ENPP3: variants seen among roughly 807,000 people sequenced by gnomAD.
The protein encoded by ENPP3 is ectonucleotide pyrophosphatase/phosphodiesterase 3, also known as ectonucleotide pyrophosphatase/phosphodiesterase family member 3.
Under a neutral mutation model 117.8 loss-of-function variants are expected in ENPP3, and 104 were observed. That is an observed-to-expected ratio of 0.88 (90% confidence interval 0.75 to 1.04). The LOEUF is 1.04. Among genes scored for constraint, ENPP3 ranks in the 50% least tolerant of loss-of-function variants. ENPP3 has a pLI of 0.00. For missense variants in ENPP3, 1,026 were observed against 1,051.9 expected, an observed-to-expected ratio of 0.98 and a Z score of 0.34; for synonymous variants, 380 against 349.9, an observed-to-expected ratio of 1.09 and a Z score of -0.96.
intron 15 of ENPP3, among the ~76,000 whole-genome samples, chr6:131,697,205 C>T (rs187041878): frequency 6.6e-6 from 1 of 152,262 alleles, no homozygotes; most frequent in East Asian, 1.9e-4. Context: ...ATGAAGCCAT[C>T]ATGTGTACAA....
chr6:131,707,559 A>G (rs1436793967), intron 15 of ENPP3, among the ~76,000 whole-genome samples: 3 of 72,084 alleles, frequency 4.2e-5, no homozygotes, highest in South Asian at 1.1e-3. Flanking sequence ...TAATGCGTGC[A>G]TTTATTGCTC....
At chr6:131,743,181 A>G (rs1369084960) in intron 24 of ENPP3, among the ~76,000 whole-genome samples, 1 of 152,098 alleles carries the variant, frequency 6.6e-6, no homozygotes, top group Non-Finnish European at 1.5e-5. Flanking sequence ...ATGACTGACC[A>G]GGAAATGTAT....
intron 2 of ENPP3, among the ~76,000 whole-genome samples, chr6:131,647,590 A>G (rs766785901): frequency 5.9e-5 from 9 of 152,194 alleles, no homozygotes; most frequent in Non-Finnish European, 1.3e-4. Flanking sequence ...ATCCCACTCT[A>G]TCAATTCATG....
chr6:131,709,809 T>G (rs1166989314), intron 15 of ENPP3: 2 of 1,611,996 alleles, frequency 1.2e-6, no homozygotes, highest in Non-Finnish European at 1.7e-6. Flanking sequence ...TTTCCTCCAC[T>G]GTTAATTTCC....
chr6:131,647,089 G>A (rs1229866383), intron 2 of ENPP3, among the ~76,000 whole-genome samples: 1 of 149,756 alleles, frequency 6.7e-6, no homozygotes, highest in Non-Finnish European at 1.5e-5. Flanking sequence ...GCCAAGGCTT[G>A]TCTCAAACTC....
chr6:131,670,552 G>A (rs1303821402), intron 6 of ENPP3, among the ~76,000 whole-genome samples: 1 of 152,136 alleles, frequency 6.6e-6, no homozygotes, highest in African/African-American at 2.4e-5. Context: ...GTGCAGTGGT[G>A]CGATGACAGC....
chr6:131,642,276 A>C (rs944642862), intron 2 of ENPP3, among the ~76,000 whole-genome samples: 3 of 151,984 alleles, frequency 2.0e-5, no homozygotes, highest in Admixed American at 2.0e-4. Flanking sequence ...GAGTTGTTCT[A>C]CCCCTAAAAT....
intron 15 of ENPP3, among the ~76,000 whole-genome samples, chr6:131,702,298 A>G (rs1320680914): frequency 1.5e-3 from 232 of 150,402 alleles, no homozygotes; most frequent in African/African-American, 5.3e-3. Context: ...CCATCAGCCA[A>G]ATACACCAGT....
chr6:131,713,686 T>C (rs999207672), intron 15 of ENPP3, among the ~76,000 whole-genome samples: 17 of 152,184 alleles, frequency 1.1e-4, no homozygotes, highest in Admixed American at 2.0e-4. Context: ...TACTACATTC[T>C]ACTATATAAA....
At chr6:131,692,135 G>A (rs1304691379) in intron 14 of ENPP3, among the ~76,000 whole-genome samples, 1 of 151,916 alleles carries the variant, frequency 6.6e-6, no homozygotes, top group Non-Finnish European at 1.5e-5. Flanking sequence ...TAATATATAT[G>A]ATATATTGTG....
intron 14 of ENPP3, among the ~76,000 whole-genome samples, chr6:131,692,244 C>T (rs1231740977): frequency 2.6e-5 from 4 of 151,880 alleles, no homozygotes; most frequent in African/African-American, 7.3e-5. Flanking sequence ...AGGGAAAGTT[C>T]CTTTGTAGTT....
rs116691302 is a variant in ENPP3, at chr6:131,644,025, T to C, written c.154+2495T>C. Among the ~76,000 whole-genome samples the C allele has an allele frequency of 7.8e-3, 1,162 of 149,784 alleles. 15 individuals carry two copies. The highest frequency in any genetic ancestry group is 0.026 in the African/African-American group (1,069 of 40,586). On this transcript the variant is annotated intron_variant, in intron 2 of 24. Transcript: ENST00000357639. The stretch of plus-strand genomic sequence containing the variant: ...AGTGAGACAGAAACATAGGGATAGG[T>C]TGGGGAGGAACATTCCAGGTCAGAA...
At chr6:131,722,528 A>G in intron 18 of ENPP3, 123 bp downstream of exon 18, 2 of 726,842 alleles carry the variant, frequency 2.8e-6, no homozygotes, top group East Asian at 5.1e-5. Context: ...TACTTAGTAA[A>G]TATATGTGGT....
intron 1 of ENPP3, chr6:131,638,533 A>T (rs1267660096): frequency 6.9e-6 from 3 of 432,556 alleles, no homozygotes; most frequent in Admixed American, 2.8e-5. Flanking sequence ...CCTCCTGAGT[A>T]GCTTGGACCA....
At chr6:131,722,512 G>A in intron 18 of ENPP3, 107 bp downstream of exon 18, 1 of 819,412 alleles carries the variant, frequency 1.2e-6, no homozygotes, top group Non-Finnish European at 2.0e-6. Flanking sequence ...TTCCGCCTTG[G>A]ATATTTACTT....
Position 131,717,350 on chromosome 6 carries a change from GGGTGTGTGT to G in ENPP3, c.1413-1320_1413-1312del, listed in dbSNP as rs1562470281. Among the ~76,000 whole-genome samples, 3 of 52,376 alleles carry G rather than the reference GGGTGTGTGT, an allele frequency of 5.7e-5. No homozygotes were observed. The South Asian group carries it at 1.6e-3, about 28-fold the overall frequency. The allele number at this position is 52,376 out of a possible 152,430, so 34.4% of individuals were successfully genotyped here. A position where few individuals can be genotyped will look rare whatever the true frequency, so the allele number is the denominator to read the frequency against. On this transcript the variant is annotated intron_variant, in intron 15 of 24. Transcript: ENST00000357639. ...TAAAAACAAACAGAAACCCTGCGGG[GGGTGTGTGT>G]GTGTGTGTGTGTGTGTGTGTGTGTG...
At chr6:131,649,938 G>A (rs1325679486) in intron 2 of ENPP3, 89 bp from the exon 3 acceptor site, 1 of 1,362,468 alleles carries the variant, frequency 7.3e-7, no homozygotes, top group African/African-American at 1.4e-5. Flanking sequence ...CATAGTCTGT[G>A]CTGTGTACTT....
At chr6:131,658,192 C>G in intron 5 of ENPP3, 131 bp from the exon 6 acceptor site, 2 of 565,412 alleles carry the variant, frequency 3.5e-6, no homozygotes, top group Non-Finnish European at 6.2e-6. Context: ...TAAAAAATGA[C>G]AGTGTCTGGC....
chr6:131,700,689 C>G (rs780154309), intron 15 of ENPP3: 3 of 1,559,478 alleles, frequency 1.9e-6, no homozygotes, highest in Non-Finnish European at 2.6e-6. Context: ...GAAGCAGGTG[C>G]GGAAGGCTTT....
Sources: allele counts gnomAD v4.1 joint callset (sites outside exome capture counted in the v4.1 genomes callset), GRCh38; gene constraint gnomAD v4.1.1; transcripts MANE v1.5; gene names NCBI Gene and HGNC (gene_info 2026-07-23, HGNC 2026-07-21).